The following ADSL variants were observed in gnomAD, a reference collection of about 807,000 sequenced individuals.
The protein encoded by ADSL is adenylosuccinate lyase, also known as adenylosuccinase.
In ADSL, 44 loss-of-function variants were observed where a neutral mutation model predicts 62.1. The observed-to-expected ratio is 0.71, with a 90% confidence interval of 0.56 to 0.91. The LOEUF (loss-of-function observed/expected upper bound fraction) is 0.91, where lower values mean the gene tolerates loss of function less well. ADSL is among the 40% of genes least tolerant of loss of function. The probability of loss-of-function intolerance (pLI) is 0.00; values close to 1 mark genes in which losing one functional copy is unlikely to be tolerated. For missense variants in ADSL, 531 were observed against 627.4 expected, an observed-to-expected ratio of 0.85 and a Z score of 1.64; for synonymous variants, 198 against 220.5, an observed-to-expected ratio of 0.90 and a Z score of 0.90.
At chr22:40,364,671 CAA>C in intron 11 of ADSL, 2 of 641,622 alleles carry the variant, frequency 3.1e-6, no homozygotes, top group South Asian at 3.7e-5. Flanking sequence ...AGGGCCAGAG[CAA>C]GGTGGGCATC....
rs1290000472 is a variant in ADSL, at chr22:40,368,929, A to AG, written c.*2407_*2408insG. On this transcript the variant is annotated 3_prime_UTR_variant, in exon 13 of 13. Transcript: ENST00000623063. ...ACGGAGCGAGACTCCATCTGAAAAAACAAAACAGAAAAAATCTTGAAAGGA... is the reference window on the plus strand; with the variant it reads ...ACGGAGCGAGACTCCATCTGAAAAAAGCAAAACAGAAAAAATCTTGAAAGGA... 6.6e-6 allele frequency: 1 copy of AG among 152,240 alleles called. No homozygotes were observed. Among genetic ancestry groups the AG allele is most frequent in the Non-Finnish European group, 1.5e-5 (1 of 68,062 alleles). 9.4% of individuals were successfully genotyped at this position (152,240 alleles called of 1,614,324 possible). A position where few individuals can be genotyped will look rare whatever the true frequency, so the allele number is the denominator to read the frequency against.
At chr22:40,364,693 C>A in intron 11 of ADSL, 187 bp from the exon 12 acceptor site, 1 of 675,424 alleles carries the variant, frequency 1.5e-6, no homozygotes. Context: ...CCATTTCAGG[C>A]TTGTCCTAAG....
chr22:40,354,009 T>A (rs933582233), intron 3 of ADSL: 1 of 575,966 alleles, frequency 1.7e-6, no homozygotes, highest in Non-Finnish European at 3.1e-6. Flanking sequence ...TTTGTTCTGT[T>A]TTTCTGCCGT....
At position 40,368,253 on chromosome 22, in the gene ADSL, T is replaced by G. The variant is rs1420539227; in HGVS notation, c.*1731T>G. 2 of 152,066 alleles carry G rather than the reference T, an allele frequency of 1.3e-5. No homozygotes were observed. Among genetic ancestry groups the G allele is most frequent in the African/African-American group, 2.4e-5 (1 of 41,386 alleles). 9.4% of individuals were successfully genotyped at this position (152,066 alleles called of 1,614,324 possible). On this transcript the variant is annotated 3_prime_UTR_variant, in exon 13 of 13. Coordinates refer to ENST00000623063, the MANE Select transcript of ADSL (RefSeq NM_000026.4). ...AACCACTGAGATTAGCAACCTACAC[T>G]CAATCCCCCAGGTCAGGCAGAAGCT...
intron 10 of ADSL, 95 bp downstream of exon 10, chr22:40,363,166 T>C: frequency 8.6e-7 from 1 of 1,168,086 alleles, no homozygotes; most frequent in Non-Finnish European, 1.3e-6. Flanking sequence ...TGTATTCTGA[T>C]CCGATAGGCA....
intron 4 of ADSL, among the ~76,000 whole-genome samples, chr22:40,358,459 C>T (rs1489577470): frequency 6.6e-6 from 1 of 152,142 alleles, no homozygotes; most frequent in East Asian, 1.9e-4. Context: ...TATTGCATGC[C>T]TGTGGTCCCA....
At chr22:40,373,017 A>G (rs180968801), downstream of ADSL, 3 of 152,350 alleles carry the variant, frequency 2.0e-5, no homozygotes, top group Admixed American at 1.3e-4. Flanking sequence ...TTTCTTTGCC[A>G]TCACATATTA....
At chr22:40,375,588 A>T (rs1460770264) in intron 2 of ADSL, among the ~76,000 whole-genome samples, 2 of 151,836 alleles carry the variant, frequency 1.3e-5, no homozygotes, top group African/African-American at 4.8e-5. Context: ...CTCAAAAAAA[A>T]AAAAAGAGAT....
rs2044795510 is a variant in ADSL, at chr22:40,361,674, G to A, written c.1010+39G>A. 9 of 1,607,498 alleles carry A rather than the reference G, an allele frequency of 5.6e-6. No homozygotes were observed. The Admixed American group carries it at 1.0e-4, about 18-fold the overall frequency. ...GGACATCACATACACCAAGTTGAGTGGAGGTCTGAAGGAGGGACCTAGAAG... is the reference window on the plus strand; with the variant it reads ...GGACATCACATACACCAAGTTGAGTAGAGGTCTGAAGGAGGGACCTAGAAG... On this transcript the variant is annotated intron_variant, in intron 9 of 12. Transcript: ENST00000623063.
rs772388333 is a variant in ADSL, at chr22:40,360,489, C to T, written c.789C>T (p.His263=). The T allele has an allele frequency of 2.5e-6, 4 of 1,613,484 alleles. No homozygotes were observed. In the African/African-American group the frequency reaches 4.0e-5, roughly 16 times the overall value. The change falls in exon 7 of 13, where the codon CAC becomes CAT. Residue 263 remains histidine, a synonymous_variant. Coordinates refer to ENST00000623063, the MANE Select transcript of ADSL (RefSeq NM_000026.4). ...SVLASLGASV[H]KICTDIRLLA... ...TGGCTAGCTTGGGGGCATCAGTGCA[C>T]AAGGTGAGTGGTGGCAGCATGTGGG... is the stretch of plus-strand genomic sequence containing the variant.
At chr22:40,357,453 G>C (rs936396668) in intron 4 of ADSL, among the ~76,000 whole-genome samples, 26 of 150,472 alleles carry the variant, frequency 1.7e-4, no homozygotes, top group Non-Finnish European at 3.6e-4. Flanking sequence ...GGGTTTCTCT[G>C]TGTTGGTCAG....
intron 10 of ADSL, among the ~76,000 whole-genome samples, chr22:40,363,487 G>A (rs1017691320): frequency 6.6e-6 from 1 of 152,176 alleles, no homozygotes; most frequent in Non-Finnish European, 1.5e-5. Context: ...TGTAATTCCA[G>A]CACTTTGGGA....
intron 2 of ADSL, among the ~76,000 whole-genome samples, chr22:40,377,034 T>A (rs1283034794): frequency 1.3e-5 from 2 of 152,208 alleles, no homozygotes; most frequent in Non-Finnish European, 2.9e-5. Flanking sequence ...GTGCAGACAG[T>A]GCCCTGGTGT....
chr22:40,364,227 T>G (rs745644776), intron 10 of ADSL, 49 bp from the exon 11 acceptor site: 20 of 1,540,100 alleles, frequency 1.3e-5, no homozygotes, highest in Non-Finnish European at 1.7e-5. Context: ...GTTTATGACT[T>G]TAACCTTGAG....
Position 40,346,702 on chromosome 22 carries a change from G to A in ADSL, c.144G>A (p.Glu48=). ...TWRQLWLWLA[E]AEQTLGLPIT... is the part of the protein sequence containing the mutation. ...GGCAGCTGTGGCTGTGGCTGGCGGA[G>A]GCCGAGCAGGTAACGGATCCCGGGC... is the stretch of plus-strand genomic sequence containing the variant. Residue 48 remains glutamate (E), a synonymous_variant, in exon 1 of 13, where the codon GAG becomes GAA. Coordinates refer to ENST00000623063, the MANE Select transcript of ADSL (RefSeq NM_000026.4). 6.2e-7 allele frequency: 1 copy of A among 1,605,702 alleles called. No homozygotes were observed. The highest frequency in any genetic ancestry group is 8.5e-7 in the Non-Finnish European group (1 of 1,178,060).
intron 4 of ADSL, among the ~76,000 whole-genome samples, chr22:40,355,117 A>T (rs992971974): frequency 6.6e-6 from 1 of 152,114 alleles, no homozygotes; most frequent in African/African-American, 2.4e-5. Context: ...TAGGAAAATT[A>T]AATTTCTTTC....
At chr22:40,372,921 C>CT (rs2045872391), downstream of ADSL, 1 of 152,182 alleles carries the variant, frequency 6.6e-6, no homozygotes, top group Non-Finnish European at 1.5e-5. Context: ...AGTAATTTTC[C>CT]ACAGCAGCCA....
At chr22:40,354,644 G>A (rs1377409139) in intron 4 of ADSL, among the ~76,000 whole-genome samples, 1 of 152,138 alleles carries the variant, frequency 6.6e-6, no homozygotes, top group East Asian at 1.9e-4. Context: ...GTCAAGGTGG[G>A]CAGATCCCTT....
At chr22:40,352,626 T>G (rs2044393267) in intron 2 of ADSL, among the ~76,000 whole-genome samples, 1 of 152,198 alleles carries the variant, frequency 6.6e-6, no homozygotes, top group Non-Finnish European at 1.5e-5. Context: ...AATAGAAACC[T>G]TGTTGACTTG....
Sources: gnomAD v4.1 joint callset for allele counts (sites outside exome capture counted in the v4.1 genomes callset) on GRCh38, gnomAD v4.1.1 for gene constraint, MANE v1.5 for transcripts, NCBI Gene and HGNC (gene_info 2026-07-23, HGNC 2026-07-21) for gene names.